Variants in SPRING1 observed in about 807,000 individuals in gnomAD.
SPRING1 encodes the protein SREBP regulating gene protein.
Under a neutral mutation model 24.7 loss-of-function variants are expected in SPRING1, and 14 were observed. That is an observed-to-expected ratio of 0.57 (90% confidence interval 0.37 to 0.88). The LOEUF (loss-of-function observed/expected upper bound fraction) is 0.88. SPRING1 is among the 40% of genes least tolerant of loss of function. The pLI, the probability that SPRING1 is intolerant of heterozygous loss-of-function variation, is 0.00. For missense variants in SPRING1, 255 were observed against 268.4 expected (o/e 0.95, Z 0.35); for synonymous variants, 93 against 106.1 (o/e 0.88, Z 0.76).
intron 1 of SPRING1, among the ~76,000 whole-genome samples, chr12:116,733,652 T>A (rs1462066855): frequency 2.6e-5 from 4 of 152,134 alleles, no homozygotes; most frequent in African/African-American, 9.7e-5. Flanking sequence ...GTTAAAAAAA[T>A]TAGTTTATAA....
chr12:116,729,877 A>AG (rs1317468840), intron 1 of SPRING1, among the ~76,000 whole-genome samples: 1 of 152,100 alleles, frequency 6.6e-6, no homozygotes, highest in Admixed American at 6.5e-5. Flanking sequence ...CTACTTTTTT[A>AG]TTTTTGTTTT....
chr12:116,737,838 C>A lies in SPRING1; in HGVS notation c.63G>T (p.Leu21=), dbSNP rs143421255. The A allele has an allele frequency of 1.2e-4, 188 of 1,595,044 alleles. No individual in the cohort carries two copies. The African/African-American group carries it at 2.5e-3, about 21-fold the overall frequency. Residue 21 remains leucine (L), a synonymous_variant, in exon 1 of 5, where the codon CTG becomes CTT. Transcript: ENST00000261318. ...AGTAGACGAGCGACAGCCCGAAGACCAGGGCGAGCACCCACCTCTTCCGCA... is the reference window on the plus strand; with the variant it reads ...AGTAGACGAGCGACAGCCCGAAGACAAGGGCGAGCACCCACCTCTTCCGCA... ...RLLRKRWVLA[L]VFGLSLVYFL...
chr12:116,720,350 G>T lies in SPRING1; in HGVS notation c.366C>A (p.Asn122Lys). 6.2e-7 allele frequency: 1 copy of T among 1,614,190 alleles called. No homozygotes were observed. Among genetic ancestry groups the T allele is most frequent in the Non-Finnish European group, 8.5e-7 (1 of 1,180,024 alleles). The part of the protein sequence containing the change: ...KQYCCDGCWP[N>K]GCCSAYEYCV... The stretch of plus-strand genomic sequence containing the variant: ...AGTACTCATAGGCGCTGCAGCAGCC[G>T]TTGGGCCAGCAGCCATCACAGCAGT... Residue 122 changes from asparagine to lysine, a missense_variant, in exon 3 of 5, where the codon AAC becomes AAA. Asn to Lys is a moderately conservative substitution (Grantham distance 94, BLOSUM62 0). Transcript: ENST00000261318. This position sits in a 1 kb window ranked among gnomAD's most constrained non-coding sequence, Gnocchi z 4.0.
chr12:116,720,637 G>A lies in SPRING1; in HGVS notation c.269-190C>T, dbSNP rs1486834054. ...ACTTTCCCCAGGCAGTCGTTTCCAGGAAGCAGGCACTCCCCTGTTATCGCC... is the reference window on the plus strand; with the variant it reads ...ACTTTCCCCAGGCAGTCGTTTCCAGAAAGCAGGCACTCCCCTGTTATCGCC... On this transcript the variant is annotated intron_variant, in intron 2 of 4. Transcript: ENST00000261318. This position sits in a 1 kb window ranked among gnomAD's most constrained non-coding sequence, Gnocchi z 4.0. Among the ~76,000 whole-genome samples the A allele has an allele frequency of 7.0e-6, 1 of 143,676 alleles. No individual in the cohort carries two copies. The highest frequency in any genetic ancestry group is 2.5e-5 in the African/African-American group (1 of 39,648). 94.3% of individuals were successfully genotyped at this position (143,676 alleles called of 152,430 possible).
intron 1 of SPRING1, among the ~76,000 whole-genome samples, chr12:116,726,173 T>C (rs1870677090): frequency 6.6e-6 from 1 of 152,236 alleles, no homozygotes. Context: ...ATCATGTTGA[T>C]GTGCCATCAT....
chr12:116,726,757 C>T (rs1157122243), intron 1 of SPRING1, among the ~76,000 whole-genome samples: 1 of 152,174 alleles, frequency 6.6e-6, no homozygotes, highest in Non-Finnish European at 1.5e-5. Context: ...TTATTAAGAG[C>T]TTGGTCAAAG....
At chr12:116,730,462 C>A (rs1870922663) in intron 1 of SPRING1, among the ~76,000 whole-genome samples, 1 of 152,206 alleles carries the variant, frequency 6.6e-6, no homozygotes. Context: ...TCTCAGCCTC[C>A]CAAAGTGCTG....
At chr12:116,727,322 C>T (rs1326804102) in intron 1 of SPRING1, among the ~76,000 whole-genome samples, 1 of 152,138 alleles carries the variant, frequency 6.6e-6, no homozygotes, top group Non-Finnish European at 1.5e-5. Context: ...TGACACATGT[C>T]CACATGGGGT....
chr12:116,731,111 GAT>G (rs1244894030), intron 1 of SPRING1, among the ~76,000 whole-genome samples: 5 of 152,220 alleles, frequency 3.3e-5, no homozygotes, highest in Non-Finnish European at 5.9e-5. Flanking sequence ...CTACAGGAAA[GAT>G]ATGTACTTGG....
rs1871175440 is a variant in SPRING1 at position 116,735,498 on chromosome 12, G to A, written c.111+2292C>T. On this transcript the variant is annotated intron_variant, in intron 1 of 4. Coordinates refer to ENST00000261318, the MANE Select transcript of SPRING1 (RefSeq NM_024738.4). Reference sequence around the variant, plus strand: ...TGTAATCCCAGCACTTTGGGAGGCCGAGGCAGGTGGATCACTTGAGGTCAG... The same window carrying A: ...TGTAATCCCAGCACTTTGGGAGGCCAAGGCAGGTGGATCACTTGAGGTCAG... Among the ~76,000 whole-genome samples, 5 of 152,154 alleles carry A rather than the reference G, an allele frequency of 3.3e-5. 1 individual carries two copies. The South Asian group carries it at 1.0e-3, about 32-fold the overall frequency.
chr12:116,720,387 C>T lies in SPRING1; in HGVS notation c.329G>A (p.Ser110Asn). The T allele has an allele frequency of 1.2e-6, 2 of 1,614,202 alleles. No individual in the cohort carries two copies. The highest frequency in any genetic ancestry group is 1.7e-6 in the Non-Finnish European group (2 of 1,180,036). ...VNGCCNVNVP[S>N]TKQYCCDGCW... The stretch of plus-strand genomic sequence containing the variant: ...GCCATCACAGCAGTACTGCTTCGTG[C>T]TAGGGACGTTGACATTACAGCAGCC... The change falls in exon 3 of 5, where the codon AGC (serine) becomes AAC (asparagine). Residue 110 changes from serine (S) to asparagine (N), a missense_variant. Transcript: ENST00000261318. The surrounding 1 kb of genome is among the most constrained non-coding windows in gnomAD (Gnocchi z 4.0).
chr12:116,736,452 CCT>C (rs780650482), intron 1 of SPRING1, among the ~76,000 whole-genome samples: 5 of 152,222 alleles, frequency 3.3e-5, no homozygotes, highest in Non-Finnish European at 5.9e-5. Context: ...CAACACTCAG[CCT>C]CTCTGTTTGC....
chr12:116,726,429 T>G (rs1870694094), intron 1 of SPRING1, among the ~76,000 whole-genome samples: 1 of 152,214 alleles, frequency 6.6e-6, no homozygotes, highest in Non-Finnish European at 1.5e-5. Flanking sequence ...ATTTACCGTC[T>G]TTCAAGGTGG....
At chr12:116,727,950 TTA>T (rs1247694607) in intron 1 of SPRING1, among the ~76,000 whole-genome samples, 1 of 152,204 alleles carries the variant, frequency 6.6e-6, no homozygotes, top group African/African-American at 2.4e-5. Flanking sequence ...AAGTCTCATA[TTA>T]TATGATATAT....
At chr12:116,732,534 C>G (rs931508280) in intron 1 of SPRING1, among the ~76,000 whole-genome samples, 5 of 152,138 alleles carry the variant, frequency 3.3e-5, no homozygotes, top group African/African-American at 1.2e-4. Context: ...ATGGCGAAAC[C>G]CCGTCTCTAC....
intron 2 of SPRING1, among the ~76,000 whole-genome samples, chr12:116,722,381 TAAAGTG>T (rs1392885188): frequency 6.6e-6 from 1 of 152,140 alleles, no homozygotes; most frequent in Non-Finnish European, 1.5e-5. Context: ...ACTAAAACAT[TAAAGTG>T]AGAGTGTAAG....
At chr12:116,733,008 C>G (rs190530979) in intron 1 of SPRING1, among the ~76,000 whole-genome samples, 1 of 152,266 alleles carries the variant, frequency 6.6e-6, no homozygotes, top group Admixed American at 6.5e-5. Context: ...CATCTTCAAC[C>G]ACTAGTCAGG....
At position 116,729,534 on chromosome 12, in the gene SPRING1, C is replaced by A. The variant is rs148435832; in HGVS notation, c.112-6311G>T. Among the ~76,000 whole-genome samples the A allele has an allele frequency of 2.6e-5, 4 of 152,320 alleles. No individual in the cohort carries two copies. The East Asian group carries it at 7.7e-4, about 29-fold the overall frequency. ...AAAACTTGTAAATGAATGTCTGCAA[C>A]AGCGTTATTCATAATAACTAAAAGG... On this transcript the variant is annotated intron_variant, in intron 1 of 4. Coordinates refer to ENST00000261318, the MANE Select transcript of SPRING1 (RefSeq NM_024738.4).
At chr12:116,737,384 G>A (rs1871283621) in intron 1 of SPRING1, among the ~76,000 whole-genome samples, 1 of 151,646 alleles carries the variant, frequency 6.6e-6, no homozygotes, top group Admixed American at 6.6e-5. Context: ...AAGAAAGGGA[G>A]TAAAGGAAGA....
Sources: gnomAD v4.1 joint callset for allele counts (sites outside exome capture counted in the v4.1 genomes callset) on GRCh38, gnomAD v4.1.1 for gene constraint, Gnocchi (gnomAD v3.1) non-coding constraint, MANE v1.5 for transcripts, NCBI Gene and HGNC (gene_info 2026-07-23, HGNC 2026-07-21) for gene names.